The following SSX2IP variants were observed in gnomAD, a reference collection of about 807,000 sequenced individuals.
The protein encoded by SSX2IP is SSX family member 2 interacting protein, also known as afadin- and alpha-actinin-binding protein.
A neutral mutation model predicts 84.9 loss-of-function variants in SSX2IP; 55 were observed. The ratio of observed to expected loss-of-function variants is 0.65; its 90% CI spans 0.52 to 0.81. SSX2IP has a LOEUF of 0.81. Among genes scored for constraint, SSX2IP ranks in the 30% least tolerant of loss-of-function variants. The pLI is 0.00. For synonymous variants in SSX2IP, 239 were observed against 234.7 expected, an observed-to-expected ratio of 1.02 and a Z score of -0.17; for missense variants, 664 against 705.2, an observed-to-expected ratio of 0.94 and a Z score of 0.66.
rs552129147 is a variant in SSX2IP at position 84,653,628 on chromosome 1, T to G, written c.1390-1631A>C. ...GGTAGGAGACAATGCTGGTCAAGTG[T>G]TGTTCCCTGAAGATAGCTACTGATG... is the stretch of plus-strand genomic sequence containing the variant. On this transcript the variant is annotated intron_variant, in intron 11 of 13. Transcript: ENST00000342203. Among the ~76,000 whole-genome samples the G allele has an allele frequency of 7.9e-5, 12 of 152,322 alleles. No individual in the cohort carries two copies. The East Asian group carries it at 2.1e-3, about 27-fold the overall frequency.
chr1:84,652,180 G>A (rs1650349534), intron 11 of SSX2IP, 183 bp from the exon 12 acceptor site: 3 of 519,908 alleles, frequency 5.8e-6, no homozygotes, highest in South Asian at 4.9e-5. Flanking sequence ...CCAGTATTTT[G>A]GGAGGCTGAG....
chr1:84,675,222 T>C (rs527732808), intron 1 of SSX2IP, among the ~76,000 whole-genome samples: 2 of 152,318 alleles, frequency 1.3e-5, no homozygotes, highest in Non-Finnish European at 2.9e-5. Context: ...AATCAAATAA[T>C]AGTAAGCCAT....
Position 84,653,932 on chromosome 1 carries a change from G to A in SSX2IP, c.1389+1900C>T, listed in dbSNP as rs58469176. Among the ~76,000 whole-genome samples, 655 of 152,078 alleles carry A rather than the reference G, an allele frequency of 4.3e-3. 5 individuals are homozygous for A. The highest frequency in any genetic ancestry group is 0.015 in the African/African-American group (639 of 41,494). ...CTATATAAAGAAAAGCAAAAATTAA[G>A]GACATTAGAAAAATTTAAAGATAAA... is the stretch of plus-strand genomic sequence containing the variant. On this transcript the variant is annotated intron_variant, in intron 11 of 13. Coordinates refer to ENST00000342203, the MANE Select transcript of SSX2IP (RefSeq NM_001166293.2).
intron 1 of SSX2IP, among the ~76,000 whole-genome samples, chr1:84,687,079 A>G (rs1446608419): frequency 6.6e-6 from 1 of 152,174 alleles, no homozygotes; most frequent in Non-Finnish European, 1.5e-5. Flanking sequence ...AGTATGAGCT[A>G]TTTTTCCAGG....
Position 84,647,418 on chromosome 1 carries a change from T to A in SSX2IP, c.*15A>T, listed in dbSNP as rs772405360. On this transcript the variant is annotated 3_prime_UTR_variant, in exon 14 of 14. Transcript: ENST00000342203. ...TTGATGAACACATTAATGAAAAAAA[T>A]TCCAGTCCACATGTCTAAGGTAAGT... 5.8e-6 allele frequency: 9 copies of A among 1,551,712 alleles called. 1 individual carries two copies. Among genetic ancestry groups the A allele is most frequent in the Middle Eastern group, 1.7e-4 (1 of 5,766 alleles).
chr1:84,647,678 G>T, intron 13 of SSX2IP, 71 bp from the exon 14 acceptor site: 1 of 1,107,728 alleles, frequency 9.0e-7, no homozygotes, highest in Non-Finnish European at 1.2e-6. Context: ...TCATAATGTG[G>T]CACTCTTCAA....
intron 13 of SSX2IP, among the ~76,000 whole-genome samples, chr1:84,649,023 G>C (rs546209982): frequency 2.0e-5 from 3 of 152,034 alleles, no homozygotes; most frequent in Non-Finnish European, 4.4e-5. Context: ...TAAAACTTAA[G>C]ACTTTTTTTC....
intron 1 of SSX2IP, among the ~76,000 whole-genome samples, chr1:84,677,460 T>C (rs1261008693): frequency 6.6e-6 from 1 of 152,172 alleles, no homozygotes; most frequent in Non-Finnish European, 1.5e-5. Flanking sequence ...CAACAATACC[T>C]TGTAGAACTT....
At chr1:84,678,634 A>G (rs77592522) in intron 1 of SSX2IP, among the ~76,000 whole-genome samples, 2,972 of 152,354 alleles carry the variant, frequency 0.02, 54 homozygotes, top group Middle Eastern at 0.048. Context: ...TCTGGCAGGT[A>G]GAGGTGGAGA....
At chr1:84,660,555 C>T (rs973817908) in intron 8 of SSX2IP, among the ~76,000 whole-genome samples, 7 of 152,126 alleles carry the variant, frequency 4.6e-5, no homozygotes, top group Admixed American at 1.3e-4. Flanking sequence ...AAAAGATATT[C>T]GGGAATTTGA....
chr1:84,675,685 A>G (rs1015735419), intron 1 of SSX2IP, among the ~76,000 whole-genome samples: 2 of 152,224 alleles, frequency 1.3e-5, no homozygotes. Context: ...AGACAAATGC[A>G]CATCTGATTG....
chr1:84,648,115 A>C (rs2102123104), intron 13 of SSX2IP, among the ~76,000 whole-genome samples: 1 of 152,284 alleles, frequency 6.6e-6, no homozygotes, highest in South Asian at 2.1e-4. Flanking sequence ...AGGAACAATG[A>C]GGATGTTGTA....
rs962899824 is a variant in SSX2IP, at chr1:84,662,275, T to C, written c.850A>G (p.Met284Val). Residue 284 changes from methionine (M) to valine (V), a missense_variant, in exon 8 of 14, where the codon ATG (methionine) becomes GTG (valine). Transcript: ENST00000342203. Reference protein sequence around the residue: ...NAELKKVLQQMKKEMISLLSP... With the variant: ...NAELKKVLQQVKKEMISLLSP... ...AGAAGAGAAATCATTTCCTTTTTCA[T>C]TTGTTGAAGAACCTTCTTAAGTTCT... is the stretch of plus-strand genomic sequence containing the variant. 1 of 1,609,120 alleles carries C rather than the reference T, an allele frequency of 6.2e-7. No individual in the cohort carries two copies. The highest frequency in any genetic ancestry group is 1.3e-5 in the African/African-American group (1 of 74,696).
chr1:84,653,364 T>C (rs558719041), intron 11 of SSX2IP, among the ~76,000 whole-genome samples: 2 of 152,178 alleles, frequency 1.3e-5, no homozygotes, highest in African/African-American at 4.8e-5. Flanking sequence ...CAAGAGGGCA[T>C]AGGCAAATTA....
intron 11 of SSX2IP, 150 bp downstream of exon 11, chr1:84,655,682 C>A (rs1650975891): frequency 1.9e-5 from 28 of 1,437,460 alleles, no homozygotes; most frequent in Middle Eastern, 3.6e-4. Context: ...ATATGCTCAG[C>A]CTCCCTCTCA....
chr1:84,648,311 G>A (rs1014275712), intron 13 of SSX2IP, among the ~76,000 whole-genome samples: 11 of 152,164 alleles, frequency 7.2e-5, no homozygotes, highest in African/African-American at 2.7e-4. Context: ...TTAGAGGCTA[G>A]TTAACAATGA....
rs767175276 is a variant in SSX2IP, at chr1:84,658,072, G to A, written c.1078+246C>T. 3.0e-5 allele frequency: 11 copies of A among 372,178 alleles called. 1 individual carries two copies. The highest frequency in any genetic ancestry group is 5.3e-5 in the Non-Finnish European group (11 of 208,428). The allele number at this position is 372,178 out of a possible 1,614,324, so 23.1% of individuals were successfully genotyped here. A position where few individuals can be genotyped will look rare whatever the true frequency, so the allele number is the denominator to read the frequency against. On this transcript the variant is annotated intron_variant, in intron 9 of 13. Transcript: ENST00000342203. ...AATAACTTGAACCTGGGAGGCGGAGGTTACAGTGAGCCGAGATGGCACCAC... is the reference window on the plus strand; with the variant it reads ...AATAACTTGAACCTGGGAGGCGGAGATTACAGTGAGCCGAGATGGCACCAC...
intron 1 of SSX2IP, among the ~76,000 whole-genome samples, chr1:84,681,691 C>G (rs1655099168): frequency 2.0e-5 from 3 of 152,172 alleles, no homozygotes; most frequent in Non-Finnish European, 4.4e-5. Flanking sequence ...GTACTCTTAG[C>G]TCAATCCCAA....
chr1:84,664,060 T>C (rs1652423332), intron 6 of SSX2IP, among the ~76,000 whole-genome samples: 1 of 152,220 alleles, frequency 6.6e-6, no homozygotes, highest in Non-Finnish European at 1.5e-5. Flanking sequence ...TGAAAAATTT[T>C]ATGAGGTTTA....
Sources: allele counts gnomAD v4.1 joint callset (sites outside exome capture counted in the v4.1 genomes callset), GRCh38; gene constraint gnomAD v4.1.1; transcripts MANE v1.5; gene names NCBI Gene and HGNC (gene_info 2026-07-23, HGNC 2026-07-21).